OR4M1: variants seen among roughly 807,000 people sequenced by gnomAD.
OR4M1 encodes the protein olfactory receptor family 4 subfamily M member 1.
Under a neutral mutation model 9.8 loss-of-function variants are expected in OR4M1, and 7 were observed. That is an observed-to-expected ratio of 0.71 (90% CI 0.41 to 1.34). The LOEUF (loss-of-function observed/expected upper bound fraction) is 1.34, where lower values mean the gene tolerates loss of function less well. Ranked by LOEUF, OR4M1 falls within the 40% of genes most tolerant of loss-of-function variation. OR4M1 has a pLI of 0.01. For synonymous variants in OR4M1, 121 were observed against 139.8 expected, an observed-to-expected ratio of 0.87 and a Z score of 0.95; for missense variants, 331 against 380.4, an observed-to-expected ratio of 0.87 and a Z score of 1.08.
Position 19,780,321 on chromosome 14 carries a change from A to T in OR4M1, c.-2A>T. 1 of 1,601,836 alleles carries T rather than the reference A, an allele frequency of 6.2e-7. No individual in the cohort carries two copies. On this transcript the variant is annotated 5_prime_UTR_variant, in exon 2 of 2. Transcript: ENST00000641200. ...ATATTATGAAAAGAGTAAATTGAAG[A>T]AATGGAAACTGCAAATTACACCAAG...
rs1376982006 is a variant in OR4M1, at chr14:19,781,862, A to G, written c.*598A>G. On this transcript the variant is annotated 3_prime_UTR_variant, in exon 2 of 2. Transcript: ENST00000641200. ...TGGTGTCCATTCAACAGTTGGAGAC[A>G]GAACTCAAAATTTTATCACATTATG... 1.3e-5 allele frequency: 2 copies of G among 152,886 alleles called. No homozygotes were observed. Among genetic ancestry groups the G allele is most frequent in the Non-Finnish European group, 2.9e-5 (2 of 68,536 alleles). The allele number at this position is 152,886 out of a possible 1,614,324, so 9.5% of individuals were successfully genotyped here.
chr14:19,779,760 C>A (rs996024500), intron 1 of OR4M1, among the ~76,000 whole-genome samples: 7 of 152,204 alleles, frequency 4.6e-5, no homozygotes, highest in African/African-American at 1.7e-4. Flanking sequence ...GTTTTGGTTA[C>A]GCTTATGGAA....
At chr14:19,774,325 CAA>C (rs1566449567) in intron 1 of OR4M1, among the ~76,000 whole-genome samples, 1 of 152,160 alleles carries the variant, frequency 6.6e-6, no homozygotes, top group Non-Finnish European at 1.5e-5. Flanking sequence ...TAATTTTTGT[CAA>C]AGTCTATTGA....
At chr14:19,773,848 G>A (rs1429456250) in intron 1 of OR4M1, among the ~76,000 whole-genome samples, 2 of 152,220 alleles carry the variant, frequency 1.3e-5, no homozygotes, top group Non-Finnish European at 2.9e-5. Context: ...GGATTGAACA[G>A]GGCATTGAAG....
intron 1 of OR4M1, 200 bp from the exon 2 acceptor site, chr14:19,780,094 C>T (rs1400818275): frequency 1.8e-6 from 1 of 542,630 alleles, no homozygotes; most frequent in Admixed American, 3.6e-5. Context: ...ATATGCCACA[C>T]TTCATATAGT....
chr14:19,782,767 G>T lies in OR4M1; in HGVS notation c.*1503G>T, dbSNP rs1566453533. On this transcript the variant is annotated 3_prime_UTR_variant, in exon 2 of 2. Coordinates refer to ENST00000641200, the MANE Select transcript of OR4M1 (RefSeq NM_001005500.2). Reference sequence around the variant, plus strand: ...ATTGATGTTATGAGTCCTGATTTTTGAGTTGACTTCTCATCACCTGGAAGT... The same window carrying T: ...ATTGATGTTATGAGTCCTGATTTTTTAGTTGACTTCTCATCACCTGGAAGT... The T allele has an allele frequency of 6.6e-6, 1 of 152,144 alleles. No individual in the cohort carries two copies. 9.4% of individuals were successfully genotyped at this position (152,144 alleles called of 1,614,324 possible).
intron 1 of OR4M1, among the ~76,000 whole-genome samples, chr14:19,776,741 T>C (rs1340559863): frequency 1.3e-5 from 2 of 152,120 alleles, no homozygotes; most frequent in Non-Finnish European, 2.9e-5. Flanking sequence ...TCTTGGGGTG[T>C]TACAGTGCAT....
chr14:19,774,337 A>T (rs1480978134), intron 1 of OR4M1, among the ~76,000 whole-genome samples: 1 of 152,224 alleles, frequency 6.6e-6, no homozygotes, highest in Non-Finnish European at 1.5e-5. Flanking sequence ...AAGTCTATTG[A>T]TTTATTTATT....
chr14:19,776,520 G>C (rs60479862), intron 1 of OR4M1, among the ~76,000 whole-genome samples: 1 of 152,230 alleles, frequency 6.6e-6, no homozygotes, highest in East Asian at 1.9e-4. Context: ...AGGAGAAGTA[G>C]GTGGGTGGAT....
chr14:19,777,878 G>GGT (rs1369656780), intron 1 of OR4M1, among the ~76,000 whole-genome samples: 2 of 126,832 alleles, frequency 1.6e-5, no homozygotes, highest in Admixed American at 8.2e-5. Flanking sequence ...ATGGTGTAGT[G>GGT]GTATGTGTGT....
At chr14:19,780,161 A>G in intron 1 of OR4M1, 133 bp from the exon 2 acceptor site, 3 of 789,150 alleles carry the variant, frequency 3.8e-6, no homozygotes, top group Non-Finnish European at 5.8e-6. Context: ...GGTTTATCAA[A>G]TATAAAATGG....
Position 19,783,078 on chromosome 14 carries a change from A to G in OR4M1, c.*1814A>G, listed in dbSNP as rs1243005236. On this transcript the variant is annotated 3_prime_UTR_variant, in exon 2 of 2. Transcript: ENST00000641200. ...GAAGGATATTTACTGAAAATACTGA[A>G]GCTAGTAATACAAAGGAAAAAGGCA... 2 of 152,260 alleles carry G rather than the reference A, an allele frequency of 1.3e-5. No homozygotes were observed. The highest frequency in any genetic ancestry group is 4.8e-5 in the African/African-American group (2 of 41,452). The allele number at this position is 152,260 out of a possible 1,614,324, so 9.4% of individuals were successfully genotyped here. A position where few individuals can be genotyped will look rare whatever the true frequency, so the allele number is the denominator to read the frequency against.
At chr14:19,774,420 T>G (rs1365868533) in intron 1 of OR4M1, among the ~76,000 whole-genome samples, 8 of 152,332 alleles carry the variant, frequency 5.3e-5, no homozygotes, top group African/African-American at 1.9e-4. Flanking sequence ...TTGAAGACCA[T>G]AGTATGCTAG....
chr14:19,774,944 A>G (rs1311920531), intron 1 of OR4M1, among the ~76,000 whole-genome samples: 1 of 152,048 alleles, frequency 6.6e-6, no homozygotes. Flanking sequence ...TACGGAATGG[A>G]CCCTCTCTTG....
chr14:19,781,507 A>T lies in OR4M1; in HGVS notation c.*243A>T. ...TATTAGAATTTGAGATATAATAATA[A>T]TCTGCTAAAGTACATTTTAACTAAT... On this transcript the variant is annotated 3_prime_UTR_variant, in exon 2 of 2. Transcript: ENST00000641200. The T allele has an allele frequency of 4.1e-6, 2 of 487,708 alleles. No individual in the cohort carries two copies. Among genetic ancestry groups the T allele is most frequent in the Non-Finnish European group, 7.2e-6 (2 of 278,884 alleles). 30.2% of individuals were successfully genotyped at this position (487,708 alleles called of 1,614,324 possible).
chr14:19,777,827 T>C (rs1288587949), intron 1 of OR4M1, among the ~76,000 whole-genome samples: 8 of 152,196 alleles, frequency 5.3e-5, no homozygotes, highest in African/African-American at 1.9e-4. Context: ...GTTATGTTAA[T>C]GTAGGGAAAC....
intron 1 of OR4M1, among the ~76,000 whole-genome samples, chr14:19,775,479 G>C (rs927502148): frequency 2.7e-4 from 41 of 151,042 alleles, no homozygotes; most frequent in African/African-American, 1.0e-3. Flanking sequence ...TCATTCTTCA[G>C]TTGACAGCAC....
rs750128147 is a variant in OR4M1 at position 19,780,813 on chromosome 14, T to C, written c.491T>C (p.Val164Ala). Reference sequence around the variant, plus strand: ...TCTATAATACAGGTGGCTCTCATTGTTCGACTTCCTTTCTGTGGGCCCAAT... The same window carrying C: ...TCTATAATACAGGTGGCTCTCATTGCTCGACTTCCTTTCTGTGGGCCCAAT... Reference protein sequence around the residue: ...IHSIIQVALIVRLPFCGPNEL... With the variant: ...IHSIIQVALIARLPFCGPNEL... The change falls in exon 2 of 2, where the codon GTT becomes GCT. Residue 164 changes from valine (V) to alanine (A), a missense_variant. Val to Ala is a moderately conservative substitution (Grantham distance 64). This residue lies in a region of OR4M1 where 122 missense variants were observed against 180.5 expected (regional missense o/e 0.68). Transcript: ENST00000641200. The C allele has an allele frequency of 1.6e-5, 26 of 1,614,108 alleles. No individual in the cohort carries two copies. Among genetic ancestry groups the C allele is most frequent in the Non-Finnish European group, 2.2e-5 (26 of 1,180,050 alleles).
At chr14:19,778,078 A>G (rs917736315) in intron 1 of OR4M1, among the ~76,000 whole-genome samples, 4 of 152,214 alleles carry the variant, frequency 2.6e-5, no homozygotes, top group African/African-American at 9.6e-5. Context: ...TTTTTGTCCT[A>G]AGGAATAAAT....
Sources: allele counts gnomAD v4.1 joint callset (sites outside exome capture counted in the v4.1 genomes callset), GRCh38; gene constraint gnomAD v4.1.1; regional missense constraint gnomAD v4.1.1; transcripts MANE v1.5; gene names NCBI Gene and HGNC (gene_info 2026-07-23, HGNC 2026-07-21).